Variants in HIVEP3 observed in about 807,000 individuals in gnomAD.
HIVEP3 encodes transcription factor HIVEP3.
HIVEP3 carries 49 observed loss-of-function variants against 152.8 expected under a neutral mutation model. The observed-to-expected ratio is 0.32, with a 90% CI of 0.26 to 0.41. The LOEUF (loss-of-function observed/expected upper bound fraction) is 0.41. Among genes scored for constraint, HIVEP3 ranks in the 10% least tolerant of loss-of-function variants. HIVEP3 has a pLI of 1.00. For synonymous variants in HIVEP3, 1,269 were observed against 1,289.0 expected (o/e 0.98, Z 0.33); for missense variants, 2,790 against 3,103.3 (o/e 0.90, Z 2.40).
intron 1 of HIVEP3, among the ~76,000 whole-genome samples, chr1:41,805,016 CT>C (rs1188607562): frequency 6.6e-6 from 1 of 152,232 alleles, no homozygotes; most frequent in Non-Finnish European, 1.5e-5. Flanking sequence ...AATCATTACC[CT>C]GGCTTTACAG....
chr1:42,028,972 A>C (rs1023874107), intron 1 of HIVEP3, among the ~76,000 whole-genome samples: 5 of 152,246 alleles, frequency 3.3e-5, no homozygotes, highest in African/African-American at 1.2e-4. Context: ...GTTCAAGAGA[A>C]GGCAGAAATC....
chr1:41,724,961 G>T (rs1646731389), intron 1 of HIVEP3, among the ~76,000 whole-genome samples: 1 of 152,132 alleles, frequency 6.6e-6, no homozygotes, highest in Admixed American at 6.5e-5. Flanking sequence ...GTTTCACAAT[G>T]GTCTACTTAG....
At chr1:41,616,887 C>A (rs1644977203) in intron 3 of HIVEP3, among the ~76,000 whole-genome samples, 1 of 152,194 alleles carries the variant, frequency 6.6e-6, no homozygotes, top group Admixed American at 6.5e-5. Flanking sequence ...GTTATAAGCA[C>A]CTCACATAAT....
chr1:41,741,270 G>A (rs371425863), intron 1 of HIVEP3, among the ~76,000 whole-genome samples: 33 of 152,148 alleles, frequency 2.2e-4, no homozygotes, highest in African/African-American at 6.3e-4. Flanking sequence ...TTCCTCCTCC[G>A]CTTAGCTAGA....
At chr1:41,610,895 T>G (rs1469239887) in intron 3 of HIVEP3, among the ~76,000 whole-genome samples, 4 of 152,218 alleles carry the variant, frequency 2.6e-5, no homozygotes, top group Non-Finnish European at 5.9e-5. Flanking sequence ...AAACTTGCCC[T>G]GAGACCCCCC....
At chr1:41,655,134 C>CTTT (rs1645609885) in intron 2 of HIVEP3, among the ~76,000 whole-genome samples, 1 of 152,034 alleles carries the variant, frequency 6.6e-6, no homozygotes, top group African/African-American at 2.4e-5. Context: ...CTGACCGAGC[C>CTTT]GACCCTTCCA....
At chr1:41,574,894 C>T (rs1037519284) in intron 5 of HIVEP3, among the ~76,000 whole-genome samples, 1 of 152,242 alleles carries the variant, frequency 6.6e-6, no homozygotes, top group African/African-American at 2.4e-5. Context: ...ACACGGCACC[C>T]TTCCAGAGCC....
rs371345318 is a variant in HIVEP3, at chr1:41,584,555, G to C, written c.243C>G (p.Pro81=). 32 of 1,613,998 alleles carry C rather than the reference G, an allele frequency of 2.0e-5. No individual in the cohort carries two copies. The highest frequency in any genetic ancestry group is 8.0e-5 in the African/African-American group (6 of 74,900). The change falls in exon 4 of 9, where the codon CCC becomes CCG. Residue 81 remains proline (P), a synonymous_variant. Coordinates refer to ENST00000372583, the MANE Select transcript of HIVEP3 (RefSeq NM_024503.5). This position sits in a 1 kb window ranked among gnomAD's most constrained non-coding sequence, Gnocchi z 5.2. ...QEKTGQQQKP[P]KRPPIEASVH... ...CGGATGCTTCGATGGGGGGCCTTTTGGGGGGCTTCTGCTGCTGGCCCGTTT... is the reference window on the plus strand; with the variant it reads ...CGGATGCTTCGATGGGGGGCCTTTTCGGGGGCTTCTGCTGCTGGCCCGTTT...
At chr1:41,544,837 C>A (rs1643659339) in intron 5 of HIVEP3, among the ~76,000 whole-genome samples, 1 of 118,470 alleles carries the variant, frequency 8.4e-6, no homozygotes, top group African/African-American at 3.7e-5. Flanking sequence ...ACCATCACCA[C>A]CACCACTACC....
intron 1 of HIVEP3, among the ~76,000 whole-genome samples, chr1:41,760,210 T>C (rs765664085): frequency 2.0e-5 from 3 of 152,102 alleles, no homozygotes; most frequent in Non-Finnish European, 4.4e-5. Context: ...TGAATAAGAG[T>C]ACCTGCCTCA....
intron 1 of HIVEP3, among the ~76,000 whole-genome samples, chr1:41,715,816 C>T (rs1646584229): frequency 6.6e-6 from 1 of 152,210 alleles, no homozygotes; most frequent in Non-Finnish European, 1.5e-5. Flanking sequence ...CTATAATATC[C>T]TCAGCAGGCA....
intron 1 of HIVEP3, among the ~76,000 whole-genome samples, chr1:41,866,064 A>C (rs77978572): frequency 6.6e-6 from 1 of 152,188 alleles, no homozygotes; most frequent in Non-Finnish European, 1.5e-5. Context: ...AAACAGAGAG[A>C]CGGATAACTA....
intron 2 of HIVEP3, among the ~76,000 whole-genome samples, chr1:41,646,736 G>A (rs981530344): frequency 1.7e-4 from 26 of 152,204 alleles, no homozygotes; most frequent in African/African-American, 6.0e-4. Flanking sequence ...CTGTTGTACT[G>A]CATACTTTAG....
Position 41,585,290 on chromosome 1 carries a change from G to A in HIVEP3, c.-493C>T, listed in dbSNP as rs145441365. 4.1e-4 allele frequency: 164 copies of A among 399,022 alleles called. 1 individual carries two copies. The highest frequency in any genetic ancestry group is 2.6e-3 in the African/African-American group (129 of 48,706). 24.7% of individuals were successfully genotyped at this position (399,022 alleles called of 1,614,324 possible). Reference sequence around the variant, plus strand: ...CTTTAGTTCTGGGTTGGAGATCAACGGCCTTGGAGGAGAAATCACGCTCTT... The same window carrying A: ...CTTTAGTTCTGGGTTGGAGATCAACAGCCTTGGAGGAGAAATCACGCTCTT... On this transcript the variant is annotated 5_prime_UTR_variant, in exon 4 of 9. Coordinates refer to ENST00000372583, the MANE Select transcript of HIVEP3 (RefSeq NM_024503.5).
At chr1:41,519,393 G>A (rs1237019179) in intron 6 of HIVEP3, among the ~76,000 whole-genome samples, 1 of 152,202 alleles carries the variant, frequency 6.6e-6, no homozygotes, top group Non-Finnish European at 1.5e-5. Flanking sequence ...CATTTCACAG[G>A]CCACACAGCT....
chr1:41,868,633 G>A (rs1407526364), intron 1 of HIVEP3, among the ~76,000 whole-genome samples: 2 of 152,188 alleles, frequency 1.3e-5, no homozygotes, highest in Admixed American at 1.3e-4. Context: ...ATGGTTTAGA[G>A]CACACCTGTG....
chr1:41,771,295 CA>C (rs1558255196), intron 1 of HIVEP3, among the ~76,000 whole-genome samples: 1 of 152,078 alleles, frequency 6.6e-6, no homozygotes, highest in African/African-American at 2.4e-5. Flanking sequence ...CCCCCACCCC[CA>C]AAAAATTAAT....
chr1:41,943,267 G>A (rs1343448665), intron 1 of HIVEP3, among the ~76,000 whole-genome samples: 4 of 152,034 alleles, frequency 2.6e-5, no homozygotes, highest in Non-Finnish European at 4.4e-5. Context: ...TTAATAAAAT[G>A]GGTTACCTAT....
chr1:41,693,438 G>T (rs1480517963), intron 2 of HIVEP3, among the ~76,000 whole-genome samples: 1 of 152,130 alleles, frequency 6.6e-6, no homozygotes, highest in African/African-American at 2.4e-5. Flanking sequence ...CACATGCTTT[G>T]TATCCTCTGT....
Sources: allele counts gnomAD v4.1 joint callset (sites outside exome capture counted in the v4.1 genomes callset), GRCh38; gene constraint gnomAD v4.1.1; non-coding constraint Gnocchi (gnomAD v3.1); transcripts MANE v1.5; gene names NCBI Gene and HGNC (gene_info 2026-07-23, HGNC 2026-07-21).